The following YTHDC1 variants were observed in gnomAD, a reference collection of about 807,000 sequenced individuals.
The protein encoded by YTHDC1 is YTH N6-methyladenosine RNA binding protein C1, also known as YTH domain-containing protein 1.
In YTHDC1, 12 loss-of-function variants were observed where a neutral mutation model predicts 107.0. The ratio of observed to expected loss-of-function variants is 0.11; its 90% confidence interval spans 0.07 to 0.18. The LOEUF is 0.18. YTHDC1 is among the 10% of genes least tolerant of loss of function. The pLI, the probability that YTHDC1 is intolerant of heterozygous loss-of-function variation, is 1.00. For missense variants in YTHDC1, 635 were observed against 898.8 expected, an observed-to-expected ratio of 0.71 and a Z score of 3.75; for synonymous variants, 280 against 289.5, an observed-to-expected ratio of 0.97 and a Z score of 0.33.
chr4:68,335,102 T>C (rs1289886344), intron 4 of YTHDC1, among the ~76,000 whole-genome samples: 2 of 152,092 alleles, frequency 1.3e-5, no homozygotes, highest in African/African-American at 4.8e-5. Context: ...ATCTAATAAA[T>C]AAACTGTTAT....
At chr4:68,340,747 C>A (rs1471084957) in intron 1 of YTHDC1, among the ~76,000 whole-genome samples, 2 of 151,992 alleles carry the variant, frequency 1.3e-5, no homozygotes, top group Non-Finnish European at 2.9e-5. Flanking sequence ...CTATACAAAT[C>A]TTTTCATAAA....
chr4:68,326,905 A>C (rs1389377174), intron 9 of YTHDC1, among the ~76,000 whole-genome samples: 3 of 151,056 alleles, frequency 2.0e-5, no homozygotes, highest in Non-Finnish European at 4.4e-5. Context: ...AGAGGCTCTT[A>C]TATGCTGGAC....
At chr4:68,342,115 T>A (rs1724870537) in intron 1 of YTHDC1, among the ~76,000 whole-genome samples, 1 of 152,210 alleles carries the variant, frequency 6.6e-6, no homozygotes, top group Non-Finnish European at 1.5e-5. Flanking sequence ...TACTGCTGTA[T>A]AAGATGATCA....
At chr4:68,348,202 T>C (rs758098742) in intron 1 of YTHDC1, among the ~76,000 whole-genome samples, 5 of 152,358 alleles carry the variant, frequency 3.3e-5, no homozygotes, top group Non-Finnish European at 7.3e-5. Flanking sequence ...CTGCGTCTAC[T>C]CTATTAACGA....
chr4:68,316,385 G>A lies in YTHDC1; in HGVS notation c.1888C>T (p.Pro630Ser). The part of the protein sequence containing the change: ...HPYYQHHAPP[P>S]QAHPPYSGHH... ...CCTGAGTAAGGGGGATGAGCTTGAG[G>A]AGGTGGAGCATGGTGCTGATAGTAA... The change falls in exon 16 of 17, where the codon CCT (proline) becomes TCT (serine). Residue 630 changes from proline to serine, a missense_variant. Physicochemically the swap from Pro to Ser is moderately conservative, Grantham distance 74 (BLOSUM62 -1). Transcript: ENST00000344157. 1 of 1,614,084 alleles carries A rather than the reference G, an allele frequency of 6.2e-7. No homozygotes were observed. Among genetic ancestry groups the A allele is most frequent in the Non-Finnish European group, 8.5e-7 (1 of 1,179,976 alleles).
Position 68,313,965 on chromosome 4 carries a change from G to A in YTHDC1, c.*134C>T, listed in dbSNP as rs1415390662. 1.5e-5 allele frequency: 14 copies of A among 929,196 alleles called. No homozygotes were observed. The highest frequency in any genetic ancestry group is 2.3e-5 in the Admixed American group (1 of 43,720). 57.6% of individuals were successfully genotyped at this position (929,196 alleles called of 1,614,324 possible). ...ATACTGCATGCTTGGAACAAAGGGG[G>A]TCATAATAAATCCTTCTACACAATG... On this transcript the variant is annotated 3_prime_UTR_variant, in exon 17 of 17. Coordinates refer to ENST00000344157, the MANE Select transcript of YTHDC1 (RefSeq NM_001031732.4).
chr4:68,314,652 T>C (rs561372979), intron 16 of YTHDC1, among the ~76,000 whole-genome samples: 1 of 152,326 alleles, frequency 6.6e-6, no homozygotes, highest in African/African-American at 2.4e-5. Context: ...AGATATTAAC[T>C]AGTGATGACC....
chr4:68,316,177 CAA>C (rs1223700769), intron 16 of YTHDC1, 135 bp downstream of exon 16: 7 of 870,078 alleles, frequency 8.0e-6, no homozygotes, highest in Non-Finnish European at 9.5e-6. Context: ...TTAATAAAAA[CAA>C]ACAATTATTC....
Position 68,337,605 on chromosome 4 carries a change from C to A in YTHDC1, c.426G>T (p.Arg142Ser). 6.2e-7 allele frequency: 1 copy of A among 1,611,628 alleles called. No individual in the cohort carries two copies. Among genetic ancestry groups the A allele is most frequent in the Non-Finnish European group, 8.5e-7 (1 of 1,179,454 alleles). The change falls in exon 3 of 17, where the codon AGG becomes AGT. Residue 142 changes from arginine (R) to serine (S), a missense_variant. Arg to Ser is a moderately radical substitution (Grantham distance 110). Around this residue, in one of 5 missense-constraint regions of YTHDC1, gnomAD observed 294 missense variants for 312.3 expected, o/e 0.94. Coordinates refer to ENST00000344157, the MANE Select transcript of YTHDC1 (RefSeq NM_001031732.4). ...KTCVRKRDPE[R>S]RAKSPTPDGS... is the part of the protein sequence containing the mutation. ...CATCTGGCGTAGGAGATTTGGCCCT[C>A]CTTTCAGGATCCCTTTTCCGGACAC...
Position 68,320,111 on chromosome 4 carries a change from T to C in YTHDC1, c.1684+12A>G. 6.3e-7 allele frequency: 1 copy of C among 1,577,962 alleles called. No individual in the cohort carries two copies. Among genetic ancestry groups the C allele is most frequent in the East Asian group, 2.3e-5 (1 of 44,300 alleles). On this transcript the variant is annotated intron_variant, in intron 12 of 16. Coordinates refer to ENST00000344157, the MANE Select transcript of YTHDC1 (RefSeq NM_001031732.4). Reference sequence around the variant, plus strand: ...TTGAAATCAAATATCTGCAGGATTATAAAATATTAACCTGGTCTCTGGTGA... The same window carrying C: ...TTGAAATCAAATATCTGCAGGATTACAAAATATTAACCTGGTCTCTGGTGA...
chr4:68,323,343 A>G (rs550758027), intron 10 of YTHDC1, among the ~76,000 whole-genome samples: 2 of 152,240 alleles, frequency 1.3e-5, no homozygotes, highest in African/African-American at 4.8e-5. Flanking sequence ...AAGGCAGACC[A>G]ATCTATGGGC....
chr4:68,349,421 T>A (rs115515502), intron 1 of YTHDC1, among the ~76,000 whole-genome samples: 251 of 152,266 alleles, frequency 1.6e-3, no homozygotes, highest in African/African-American at 5.7e-3. Flanking sequence ...GAAATAAACC[T>A]AGGAGCTTGC....
chr4:68,342,959 T>C (rs1386801718), intron 1 of YTHDC1, among the ~76,000 whole-genome samples: 1 of 152,194 alleles, frequency 6.6e-6, no homozygotes, highest in African/African-American at 2.4e-5. Context: ...TTTAACATTA[T>C]TGATATTCTA....
At chr4:68,346,574 T>G (rs1725467301) in intron 1 of YTHDC1, among the ~76,000 whole-genome samples, 1 of 152,246 alleles carries the variant, frequency 6.6e-6, no homozygotes, top group African/African-American at 2.4e-5. Context: ...TGTCCCACTC[T>G]GTCCTGCCTG....
chr4:68,336,486 T>C (rs894608206), intron 4 of YTHDC1, among the ~76,000 whole-genome samples: 1 of 152,200 alleles, frequency 6.6e-6, no homozygotes, highest in African/African-American at 2.4e-5. Flanking sequence ...AGTCTTCATC[T>C]CCATCTTATA....
intron 1 of YTHDC1, among the ~76,000 whole-genome samples, chr4:68,347,823 T>A (rs1725617665): frequency 6.6e-6 from 1 of 152,162 alleles, no homozygotes; most frequent in Admixed American, 6.5e-5. Context: ...GTGATGATGA[T>A]CATCAAGTAA....
intron 1 of YTHDC1, 165 bp from the exon 2 acceptor site, chr4:68,338,549 C>A: frequency 1.8e-6 from 1 of 562,974 alleles, no homozygotes; most frequent in East Asian, 3.2e-5. Flanking sequence ...TTCTATAAAA[C>A]TAATACAGGG....
intron 1 of YTHDC1, among the ~76,000 whole-genome samples, chr4:68,339,903 C>G (rs1238079138): frequency 1.3e-5 from 2 of 152,208 alleles, no homozygotes; most frequent in Non-Finnish European, 2.9e-5. Context: ...TCTACCTTGT[C>G]CAACAAGATA....
chr4:68,322,971 G>A lies in YTHDC1; in HGVS notation c.1435-56C>T, dbSNP rs1722593907. On this transcript the variant is annotated intron_variant, in intron 10 of 16. Coordinates refer to ENST00000344157, the MANE Select transcript of YTHDC1 (RefSeq NM_001031732.4). This position sits in a 1 kb window ranked among gnomAD's most constrained non-coding sequence, Gnocchi z 4.8. Reference sequence around the variant, plus strand: ...AAAAACAGACCCTTTCAACAGACTTGCATTTTCCTGATGTACCAGAACAAA... The same window carrying A: ...AAAAACAGACCCTTTCAACAGACTTACATTTTCCTGATGTACCAGAACAAA... 3 of 1,553,732 alleles carry A rather than the reference G, an allele frequency of 1.9e-6. No homozygotes were observed. The highest frequency in any genetic ancestry group is 2.4e-5 in the South Asian group (2 of 83,918).
Sources: allele counts gnomAD v4.1 joint callset (sites outside exome capture counted in the v4.1 genomes callset), GRCh38; gene constraint gnomAD v4.1.1; regional missense constraint gnomAD v4.1.1; non-coding constraint Gnocchi (gnomAD v3.1); transcripts MANE v1.5; gene names NCBI Gene and HGNC (gene_info 2026-07-23, HGNC 2026-07-21).